Variants in ICE1 observed in about 807,000 individuals in gnomAD.
ICE1 encodes interactor of little elongation complex ELL subunit 1, also known as little elongation complex subunit 1.
A neutral mutation model predicts 192.7 loss-of-function variants in ICE1; 64 were observed. The observed-to-expected ratio is 0.33, with a 90% CI of 0.27 to 0.41. The LOEUF is 0.41. Ranked by LOEUF, ICE1 falls within the 10% of genes least tolerant of loss-of-function variation. The pLI is 1.00. For synonymous variants in ICE1, 1,010 were observed against 984.5 expected (o/e 1.03, Z -0.49); for missense variants, 2,708 against 2,696.0 (o/e 1.00, Z -0.10).
In ICE1 at chr5:5,486,079, G is replaced by T. The variant is rs147400354; in HGVS notation, c.6521-642G>T. Among the ~76,000 whole-genome samples the T allele has an allele frequency of 5.9e-5, 9 of 152,346 alleles. No individual in the cohort carries two copies. In the East Asian group the frequency reaches 1.7e-3, roughly 29 times the overall value. On this transcript the variant is annotated intron_variant, in intron 17 of 18. Coordinates refer to ENST00000296564, the MANE Select transcript of ICE1 (RefSeq NM_015325.3). ...CAACAACCAGTGTACTCAGTGTATG[G>T]GGGAGTGCTTCCTGTGCCGTCTACA...
chr5:5,464,146 T>A lies in ICE1; in HGVS notation c.4812T>A (p.Ile1604=). 6.2e-7 allele frequency: 1 copy of A among 1,613,574 alleles called. No individual in the cohort carries two copies. Among genetic ancestry groups the A allele is most frequent in the African/African-American group, 1.3e-5 (1 of 74,984 alleles). ...TKTQRSQTQT[I]LANADTSTPT... ...CTCAAAGAAGCCAAACTCAGACCAT[T>A]TTAGCAAATGCTGATACATCCACTC... The change falls in exon 13 of 19, where the codon ATT becomes ATA. Residue 1604 remains isoleucine, a synonymous_variant. Transcript: ENST00000296564. This position sits in a 1 kb window ranked among gnomAD's most constrained non-coding sequence, Gnocchi z 4.0.
At chr5:5,433,686 G>T (rs1266020689) in intron 1 of ICE1, among the ~76,000 whole-genome samples, 2 of 152,152 alleles carry the variant, frequency 1.3e-5, no homozygotes, top group East Asian at 3.8e-4. Context: ...GATCATATCT[G>T]TAAAGACCCT....
intron 16 of ICE1, among the ~76,000 whole-genome samples, chr5:5,474,592 C>T (rs547430626): frequency 6.6e-6 from 1 of 152,288 alleles, no homozygotes; most frequent in East Asian, 1.9e-4. Flanking sequence ...TTTCTCTGTG[C>T]ATCTATAATT....
intron 17 of ICE1, among the ~76,000 whole-genome samples, chr5:5,477,701 C>T (rs1356034139): frequency 7.2e-5 from 11 of 152,098 alleles, no homozygotes; most frequent in Admixed American, 2.6e-4. Flanking sequence ...TTCAGGCCAA[C>T]GTCTCCAGTG....
chr5:5,442,285 G>A (rs769597745), intron 5 of ICE1, among the ~76,000 whole-genome samples: 1 of 152,154 alleles, frequency 6.6e-6, no homozygotes, highest in South Asian at 2.1e-4. Flanking sequence ...CGCTTCTCAC[G>A]GTAGTGTTTG....
At chr5:5,444,110 A>G (rs1185127494) in intron 6 of ICE1, among the ~76,000 whole-genome samples, 179 bp from the exon 7 acceptor site, 1 of 152,162 alleles carries the variant, frequency 6.6e-6, no homozygotes, top group Non-Finnish European at 1.5e-5. Flanking sequence ...GAATTTTTTA[A>G]TCCACTGTAA....
rs752866461 is a variant in ICE1 at position 5,464,863 on chromosome 5, A to T, written c.5529A>T (p.Arg1843Ser). Residue 1843 changes from arginine (R) to serine (S), a missense_variant, in exon 13 of 19, where the codon AGA becomes AGT. By Grantham distance (110) the Arg-to-Ser change is moderately radical. This residue lies in a region of ICE1 where 2,366 missense variants were observed against 2,276.6 expected (regional missense o/e 1.04). Coordinates refer to ENST00000296564, the MANE Select transcript of ICE1 (RefSeq NM_015325.3). This position sits in a 1 kb window ranked among gnomAD's most constrained non-coding sequence, Gnocchi z 4.0. ...GKRTLSTSTL[R>S]SAKRLRLDTG... ...GAACACTGTCAACGTCTACACTGAG[A>T]AGTGCTAAAAGACTGCGCCTGGACA... The T allele has an allele frequency of 6.2e-7, 1 of 1,613,180 alleles. No individual in the cohort carries two copies. Among genetic ancestry groups the T allele is most frequent in the Non-Finnish European group, 8.5e-7 (1 of 1,179,468 alleles).
rs145032112 is a variant in ICE1 at position 5,462,502 on chromosome 5, C to G, written c.3168C>G (p.Pro1056=). 1 of 1,613,996 alleles carries G rather than the reference C, an allele frequency of 6.2e-7. No homozygotes were observed. The highest frequency in any genetic ancestry group is 8.5e-7 in the Non-Finnish European group (1 of 1,179,898). ...NGLWKLKSTT[P]GGALPECFGT... ...TTTGGAAATTGAAATCTACAACTCC[C>G]GGTGGTGCTTTGCCTGAGTGTTTTG... is the stretch of plus-strand genomic sequence containing the variant. The change falls in exon 13 of 19, where the codon CCC becomes CCG. Residue 1056 remains proline, a synonymous_variant. Coordinates refer to ENST00000296564, the MANE Select transcript of ICE1 (RefSeq NM_015325.3).
rs574834944 is a variant in ICE1, at chr5:5,475,189, G to A, written c.6414-784G>A. ...TGCTTCGTCCACGATCCCTGCACTCGTGATGAAGACATCATCAAACATGAG... is the reference window on the plus strand; with the variant it reads ...TGCTTCGTCCACGATCCCTGCACTCATGATGAAGACATCATCAAACATGAG... On this transcript the variant is annotated intron_variant, in intron 16 of 18. Transcript: ENST00000296564. Among the ~76,000 whole-genome samples, 4 of 152,222 alleles carry A rather than the reference G, an allele frequency of 2.6e-5. No individual in the cohort carries two copies. The South Asian group carries it at 6.2e-4, about 24-fold the overall frequency.
intron 10 of ICE1, among the ~76,000 whole-genome samples, chr5:5,453,971 T>C (rs1416063081): frequency 6.6e-6 from 1 of 152,166 alleles, no homozygotes; most frequent in Admixed American, 6.5e-5. Flanking sequence ...TGATGATCGG[T>C]TCCTACCCAT....
chr5:5,466,290 A>G, intron 13 of ICE1, 44 bp from the exon 14 acceptor site: 2 of 1,499,008 alleles, frequency 1.3e-6, no homozygotes, highest in South Asian at 1.3e-5. Context: ...GGCTGAAGAT[A>G]AGTATGAGTG....
intron 1 of ICE1, among the ~76,000 whole-genome samples, chr5:5,423,875 A>C (rs897057048): frequency 6.6e-6 from 1 of 152,222 alleles, no homozygotes; most frequent in Non-Finnish European, 1.5e-5. Flanking sequence ...CATAAGTAAG[A>C]TGCATATGTG....
intron 1 of ICE1, among the ~76,000 whole-genome samples, chr5:5,432,797 ATAT>A (rs1387312284): frequency 2.6e-5 from 4 of 152,292 alleles, no homozygotes; most frequent in South Asian, 4.1e-4. Context: ...CGCAAATATA[ATAT>A]TATTTATCTC....
intron 11 of ICE1, among the ~76,000 whole-genome samples, chr5:5,455,313 G>A (rs1026264421): frequency 6.6e-6 from 1 of 152,114 alleles, no homozygotes; most frequent in Non-Finnish European, 1.5e-5. Flanking sequence ...AGAACTTGTC[G>A]AGTGTACGGA....
At position 5,443,241 on chromosome 5, in the gene ICE1, C is replaced by A; in HGVS notation, c.383C>A (p.Ala128Asp). 1 of 1,458,950 alleles carries A rather than the reference C, an allele frequency of 6.9e-7. No homozygotes were observed. The highest frequency in any genetic ancestry group is 9.2e-7 in the Non-Finnish European group (1 of 1,083,102). The allele number at this position is 1,458,950 out of a possible 1,614,324, so 90.4% of individuals were successfully genotyped here. A position where few individuals can be genotyped will look rare whatever the true frequency, so the allele number is the denominator to read the frequency against. The change falls in exon 6 of 19, where the codon GCT becomes GAT. Residue 128 changes from alanine (A) to aspartate (D), a missense_variant. By Grantham distance (126) the Ala-to-Asp change is moderately radical. Around this residue, in one of 2 missense-constraint regions of ICE1, gnomAD observed 2,366 missense variants for 2,276.6 expected, o/e 1.04. Coordinates refer to ENST00000296564, the MANE Select transcript of ICE1 (RefSeq NM_015325.3). Reference sequence around the variant, plus strand: ...AAGGAAGAATGCTTGAAGAGTGATGCTCAGTAAGTAGTTACTAAATTACTA... The same window carrying A: ...AAGGAAGAATGCTTGAAGAGTGATGATCAGTAAGTAGTTACTAAATTACTA... The part of the protein sequence containing the change: ...RVKEECLKSD[A>D]QKKKLEAKVK...
intron 11 of ICE1, among the ~76,000 whole-genome samples, chr5:5,456,867 T>G (rs1738598393): frequency 6.6e-6 from 1 of 152,218 alleles, no homozygotes; most frequent in Non-Finnish European, 1.5e-5. Context: ...GATCTTTCAG[T>G]TAGAGAGCAT....
At chr5:5,429,295 A>C (rs924335840) in intron 1 of ICE1, among the ~76,000 whole-genome samples, 1 of 152,184 alleles carries the variant, frequency 6.6e-6, no homozygotes, top group African/African-American at 2.4e-5. Flanking sequence ...TAAACCATAC[A>C]TGATGAGCCA....
intron 11 of ICE1, among the ~76,000 whole-genome samples, chr5:5,456,565 G>T (rs939492269): frequency 2.6e-5 from 4 of 151,888 alleles, no homozygotes; most frequent in Non-Finnish European, 5.9e-5. Flanking sequence ...ATTGGCTCTG[G>T]GTCCTTCATA....
In ICE1 at chr5:5,447,741, T is replaced by G; in HGVS notation, c.528T>G (p.Ser176=). Residue 176 remains serine (S), a synonymous_variant, in exon 9 of 19, where the codon TCT becomes TCG. Coordinates refer to ENST00000296564, the MANE Select transcript of ICE1 (RefSeq NM_015325.3). ...CACAGGAAAGGCTTGACGAATTTTCTAAACAGAAAAATGAAAAGGGTGAGT... is the reference window on the plus strand; with the variant it reads ...CACAGGAAAGGCTTGACGAATTTTCGAAACAGAAAAATGAAAAGGGTGAGT... The part of the protein sequence containing the change: ...KKTQERLDEF[S]KQKNEKELRH... The G allele has an allele frequency of 6.3e-7, 1 of 1,585,270 alleles. No homozygotes were observed. Among genetic ancestry groups the G allele is most frequent in the Non-Finnish European group, 8.6e-7 (1 of 1,163,654 alleles).
Sources: allele counts gnomAD v4.1 joint callset (sites outside exome capture counted in the v4.1 genomes callset), GRCh38; gene constraint gnomAD v4.1.1; regional missense constraint gnomAD v4.1.1; non-coding constraint Gnocchi (gnomAD v3.1); transcripts MANE v1.5; gene names NCBI Gene and HGNC (gene_info 2026-07-23, HGNC 2026-07-21).